The following CLUL1 variants were observed in gnomAD, a reference collection of about 807,000 sequenced individuals.
CLUL1 encodes the protein clusterin like 1, also known as clusterin-like protein 1.
A neutral mutation model predicts 49.4 loss-of-function variants in CLUL1; 43 were observed. That is an observed-to-expected ratio of 0.87 (90% CI 0.68 to 1.12). The LOEUF (loss-of-function observed/expected upper bound fraction) is 1.12, where lower values mean the gene tolerates loss of function less well. CLUL1 is among the 50% of genes most tolerant of loss of function. CLUL1 has a pLI of 0.00. For synonymous variants in CLUL1, 192 were observed against 184.9 expected (o/e 1.04, Z -0.31); for missense variants, 486 against 544.4 (o/e 0.89, Z 1.07).
At chr18:626,864 T>TA (rs555005092) in intron 5 of CLUL1, among the ~76,000 whole-genome samples, 757 of 70,874 alleles carry the variant, frequency 0.011, 30 homozygotes, top group Admixed American at 0.025. Context: ...CCATCTCAAA[T>TA]AAGAAAGAAA....
At chr18:600,681 G>C (rs1011178976) in intron 1 of CLUL1, among the ~76,000 whole-genome samples, 2 of 152,192 alleles carry the variant, frequency 1.3e-5, no homozygotes, top group African/African-American at 4.8e-5. Context: ...TATAAGGACT[G>C]GGGTTAATAG....
At chr18:624,439 G>T (rs1458958977) in intron 4 of CLUL1, among the ~76,000 whole-genome samples, 1 of 152,100 alleles carries the variant, frequency 6.6e-6, no homozygotes, top group African/African-American at 2.4e-5. Flanking sequence ...ATAAATGAAA[G>T]AATTAAAATG....
At chr18:648,617 T>G (rs1416216710) in intron 9 of CLUL1, among the ~76,000 whole-genome samples, 3 of 152,152 alleles carry the variant, frequency 2.0e-5, no homozygotes, top group Non-Finnish European at 4.4e-5. Flanking sequence ...TAGCTAAATT[T>G]AATAACAGCA....
chr18:641,963 CT>C (rs2074356627), intron 8 of CLUL1, among the ~76,000 whole-genome samples: 1 of 152,144 alleles, frequency 6.6e-6, no homozygotes, highest in African/African-American at 2.4e-5. Flanking sequence ...AGTGTTCCAC[CT>C]GTAAAATGGT....
chr18:628,612 TTCTA>T (rs979376081), intron 6 of CLUL1, among the ~76,000 whole-genome samples: 2 of 151,976 alleles, frequency 1.3e-5, no homozygotes, highest in Non-Finnish European at 2.9e-5. Flanking sequence ...AATGGGCTCC[TTCTA>T]TCTATTTTTC....
chr18:618,490 G>T lies in CLUL1; in HGVS notation c.106+384G>T, dbSNP rs886368570. 3.9e-5 allele frequency among the ~76,000 whole-genome samples: 6 copies of T among 152,162 alleles called. No individual in the cohort carries two copies. The highest frequency in any genetic ancestry group is 1.4e-4 in the African/African-American group (6 of 41,438). On this transcript the variant is annotated intron_variant, in intron 3 of 9. Transcript: ENST00000692774. This position sits in a 1 kb window ranked among gnomAD's most constrained non-coding sequence, Gnocchi z 4.2. ...TGCAATTGTTCTTAAACTAGTGAAA[G>T]AATGGGTTATAATTACGTTGAATCT...
intron 7 of CLUL1, among the ~76,000 whole-genome samples, chr18:634,751 C>CA (rs2074092994): frequency 1.3e-5 from 2 of 152,064 alleles, no homozygotes; most frequent in African/African-American, 4.8e-5. Context: ...CTTCTCCTCC[C>CA]AAGCCCCAGG....
intron 1 of CLUL1, among the ~76,000 whole-genome samples, chr18:603,772 C>A (rs185343595): frequency 6.6e-6 from 1 of 152,270 alleles, no homozygotes; most frequent in Non-Finnish European, 1.5e-5. Flanking sequence ...TCCTTATAGC[C>A]ACACGCATTC....
At chr18:636,698 T>C (rs1398923810) in intron 7 of CLUL1, among the ~76,000 whole-genome samples, 7 of 146,268 alleles carry the variant, frequency 4.8e-5, no homozygotes, top group Non-Finnish European at 7.5e-5. Context: ...CGATCTCGGC[T>C]CACTGCAACC....
chr18:637,379 G>C (rs2144146572), intron 7 of CLUL1, among the ~76,000 whole-genome samples: 1 of 152,272 alleles, frequency 6.6e-6, no homozygotes. Context: ...AACAAGGATT[G>C]TTCTTTCTCT....
At chr18:632,665 C>G (rs2074023266) in intron 6 of CLUL1, among the ~76,000 whole-genome samples, 1 of 152,138 alleles carries the variant, frequency 6.6e-6, no homozygotes, top group Non-Finnish European at 1.5e-5. Flanking sequence ...TATCAACTCC[C>G]TCTTCTAAAA....
At chr18:627,824 C>A (rs920697409) in intron 6 of CLUL1, among the ~76,000 whole-genome samples, 11 of 151,364 alleles carry the variant, frequency 7.3e-5, no homozygotes, top group Admixed American at 1.3e-4. Context: ...TTTATTATTT[C>A]TTTATTTATT....
intron 2 of CLUL1, among the ~76,000 whole-genome samples, chr18:609,898 T>C (rs1010343505): frequency 2.6e-5 from 4 of 151,584 alleles, no homozygotes; most frequent in African/African-American, 9.7e-5. Flanking sequence ...GTGTTCAAGC[T>C]GAAAAGAAAA....
intron 9 of CLUL1, among the ~76,000 whole-genome samples, chr18:646,725 C>T (rs2074518849): frequency 1.3e-5 from 2 of 151,518 alleles, no homozygotes; most frequent in South Asian, 4.2e-4. Flanking sequence ...CCCACTCTGT[C>T]CTCTCCCTTT....
chr18:629,926 T>C (rs2073940543), intron 6 of CLUL1, among the ~76,000 whole-genome samples: 1 of 152,122 alleles, frequency 6.6e-6, no homozygotes, highest in South Asian at 2.1e-4. Flanking sequence ...GGAATAAGCC[T>C]ACTGCCCCTA....
intron 9 of CLUL1, 89 bp from the exon 10 acceptor site, chr18:649,809 C>A: frequency 1.1e-6 from 1 of 882,998 alleles, no homozygotes; most frequent in Admixed American, 2.1e-5. Context: ...ATTACCCATC[C>A]TGGACTTTTA....
chr18:647,180 C>G (rs1007287158), intron 9 of CLUL1, among the ~76,000 whole-genome samples: 2 of 151,470 alleles, frequency 1.3e-5, no homozygotes, highest in African/African-American at 4.9e-5. Flanking sequence ...GCAAATACGG[C>G]AAGAAAGAGT....
intron 1 of CLUL1, among the ~76,000 whole-genome samples, chr18:605,594 A>G (rs760368567): frequency 9.2e-5 from 14 of 152,132 alleles, no homozygotes; most frequent in Non-Finnish European, 1.8e-4. Flanking sequence ...AAAGAAAATG[A>G]TAAAGGATAC....
chr18:598,562 C>G (rs2072725686), intron 1 of CLUL1: 1 of 398,478 alleles, frequency 2.5e-6, no homozygotes, highest in African/African-American at 2.1e-5. Context: ...AAGTACCTCT[C>G]TTGGATAATT....
Sources: gnomAD v4.1 joint callset for allele counts (sites outside exome capture counted in the v4.1 genomes callset) on GRCh38, gnomAD v4.1.1 for gene constraint, Gnocchi (gnomAD v3.1) non-coding constraint, MANE v1.5 for transcripts, NCBI Gene and HGNC (gene_info 2026-07-23, HGNC 2026-07-21) for gene names.